MEGF11: variants seen among roughly 807,000 people sequenced by gnomAD.
MEGF11 encodes multiple EGF like domains 11.
A neutral mutation model predicts 146.6 loss-of-function variants in MEGF11; 126 were observed. That is an observed-to-expected ratio of 0.86 (90% confidence interval 0.74 to 1.00). The LOEUF (loss-of-function observed/expected upper bound fraction) is 1.00. Ranked by LOEUF, MEGF11 falls within the 50% of genes least tolerant of loss-of-function variation. The pLI, the probability that MEGF11 is intolerant of heterozygous loss-of-function variation, is 0.00. For synonymous variants in MEGF11, 532 were observed against 583.4 expected (o/e 0.91, Z 1.27); for missense variants, 1,509 against 1,521.2 (o/e 0.99, Z 0.13).
intron 4 of MEGF11, among the ~76,000 whole-genome samples, chr15:66,116,389 G>A (rs1441846092): frequency 6.6e-6 from 1 of 152,082 alleles, no homozygotes; most frequent in Non-Finnish European, 1.5e-5. Context: ...GTGGGCCATA[G>A]TAGGTGCTTA....
rs181994945 is a variant in MEGF11 at position 66,077,553 on chromosome 15, A to T, written c.394+16849T>A. ...CCTCCACCTCCAGAAGGAACGAAAG[A>T]CGTGATAAGACAGGAGAGCAAGTCT... is the stretch of plus-strand genomic sequence containing the variant. On this transcript the variant is annotated intron_variant, in intron 5 of 25. Coordinates refer to ENST00000395614, the MANE Select transcript of MEGF11 (RefSeq NM_001385028.1). Among the ~76,000 whole-genome samples, 11 of 152,360 alleles carry T rather than the reference A, an allele frequency of 7.2e-5. No homozygotes were observed. In the East Asian group the frequency reaches 2.1e-3, roughly 29 times the overall value.
At chr15:66,095,994 C>T (rs2086535342) in intron 4 of MEGF11, among the ~76,000 whole-genome samples, 1 of 152,164 alleles carries the variant, frequency 6.6e-6, no homozygotes, top group South Asian at 2.1e-4. Context: ...GTCCTGCTGC[C>T]CGGGCTCCCC....
rs1242139286 is a variant in MEGF11, at chr15:65,917,986, A to G, written c.2066T>C (p.Ile689Thr). 3 of 1,613,878 alleles carry G rather than the reference A, an allele frequency of 1.9e-6. No homozygotes were observed. Among genetic ancestry groups the G allele is most frequent in the African/African-American group, 2.7e-5 (2 of 74,922 alleles). The change falls in exon 16 of 26, where the codon ATT (isoleucine) becomes ACT (threonine). Residue 689 changes from isoleucine to threonine, a missense_variant. Coordinates refer to ENST00000395614, the MANE Select transcript of MEGF11 (RefSeq NM_001385028.1). The stretch of plus-strand genomic sequence containing the variant: ...CTTACCCTGTGAGCAGTCCTTGCCA[A>G]TCCATCCAGGAAAGCACTGGCAGGA... ...DGSCQCFPGW[I>T]GKDCSQACPP... is the part of the protein sequence containing the mutation.
intron 1 of MEGF11, among the ~76,000 whole-genome samples, chr15:66,156,642 C>T (rs1173411126): frequency 6.6e-6 from 1 of 152,114 alleles, no homozygotes; most frequent in East Asian, 1.9e-4. Flanking sequence ...TCCTCTGTGG[C>T]TGTGCACCCT....
At chr15:66,029,083 G>T (rs575333823) in intron 5 of MEGF11, among the ~76,000 whole-genome samples, 34 of 152,182 alleles carry the variant, frequency 2.2e-4, no homozygotes, top group Non-Finnish European at 4.9e-4. Flanking sequence ...TGAGAGAGAT[G>T]CTCAAATGAA....
chr15:66,052,622 G>C (rs2084498067), intron 5 of MEGF11, among the ~76,000 whole-genome samples: 1 of 152,176 alleles, frequency 6.6e-6, no homozygotes, highest in Non-Finnish European at 1.5e-5. Flanking sequence ...ACTGCTAGCA[G>C]AGAGGGCTAG....
chr15:66,026,704 G>A (rs2083342457), intron 5 of MEGF11, among the ~76,000 whole-genome samples: 1 of 151,574 alleles, frequency 6.6e-6, no homozygotes, highest in Admixed American at 6.6e-5. Context: ...TGGCCAGGAT[G>A]GTCTCGATCT....
rs1205953365 is a variant in MEGF11 at position 65,982,575 on chromosome 15, C to G, written c.395-87G>C. 7.2e-7 allele frequency: 1 copy of G among 1,386,940 alleles called. No homozygotes were observed. The highest frequency in any genetic ancestry group is 9.4e-7 in the Non-Finnish European group (1 of 1,068,292). 85.9% of individuals were successfully genotyped at this position (1,386,940 alleles called of 1,614,324 possible). A position where few individuals can be genotyped will look rare whatever the true frequency, so the allele number is the denominator to read the frequency against. ...AGGAACCGATGCCCATGCGGCCTTC[C>G]CATCTTTGCAGCGCTGCTCCCCGGA... is the stretch of plus-strand genomic sequence containing the variant. On this transcript the variant is annotated intron_variant, in intron 5 of 25. Transcript: ENST00000395614. This position sits in a 1 kb window ranked among gnomAD's most constrained non-coding sequence, Gnocchi z 5.6.
At chr15:66,068,013 C>G (rs2085206266) in intron 5 of MEGF11, among the ~76,000 whole-genome samples, 1 of 152,128 alleles carries the variant, frequency 6.6e-6, no homozygotes, top group Non-Finnish European at 1.5e-5. Flanking sequence ...CTTTGCTGAG[C>G]CTCAGTTTTC....
chr15:66,150,978 C>T (rs2089553173), intron 1 of MEGF11, among the ~76,000 whole-genome samples: 1 of 152,118 alleles, frequency 6.6e-6, no homozygotes, highest in Admixed American at 6.5e-5. Flanking sequence ...GCTGAGCTCT[C>T]TAGAAGGTGA....
chr15:65,901,899 T>C (rs2078504344), intron 24 of MEGF11: 1 of 152,118 alleles, frequency 6.6e-6, no homozygotes, highest in Admixed American at 6.5e-5. Flanking sequence ...TTTGCTAATA[T>C]AATTCCTAAT....
At chr15:66,183,239 C>T (rs929518819) in intron 1 of MEGF11, among the ~76,000 whole-genome samples, 1 of 152,086 alleles carries the variant, frequency 6.6e-6, no homozygotes, top group Non-Finnish European at 1.5e-5. Flanking sequence ...GGGGCTCACG[C>T]CTGTAATCCC....
At chr15:66,247,694 T>C (rs1182627921) in intron 1 of MEGF11, among the ~76,000 whole-genome samples, 2 of 152,036 alleles carry the variant, frequency 1.3e-5, no homozygotes, top group Non-Finnish European at 2.9e-5. Flanking sequence ...TGAGCTATGA[T>C]AGCAGCACTG....
At chr15:66,044,850 C>CAAAA (rs140901440) in intron 5 of MEGF11, among the ~76,000 whole-genome samples, 4 of 90,714 alleles carry the variant, frequency 4.4e-5, no homozygotes, top group African/African-American at 1.5e-4. Flanking sequence ...GACCTTATCT[C>CAAAA]AAAAAAAAAA....
intron 1 of MEGF11, among the ~76,000 whole-genome samples, chr15:66,179,827 A>T (rs933999658): frequency 3.1e-5 from 1 of 32,004 alleles, no homozygotes; most frequent in East Asian, 9.7e-4. Context: ...CCCCACCCCC[A>T]CCAACACACA....
chr15:65,928,024 A>C (rs1027689767), intron 13 of MEGF11, among the ~76,000 whole-genome samples: 1 of 152,198 alleles, frequency 6.6e-6, no homozygotes, highest in African/African-American at 2.4e-5. Context: ...GTGTGGTGGC[A>C]GTGGGATGGA....
intron 7 of MEGF11, 64 bp from the exon 8 acceptor site, chr15:65,970,753 G>T: frequency 6.5e-7 from 1 of 1,535,122 alleles, no homozygotes; most frequent in South Asian, 1.2e-5. Context: ...TCCTGGGAAT[G>T]GCACACCTGC....
chr15:66,089,754 A>G (rs991185753), intron 5 of MEGF11, among the ~76,000 whole-genome samples: 15 of 152,212 alleles, frequency 9.9e-5, no homozygotes, highest in African/African-American at 3.1e-4. Flanking sequence ...GTTATGAATA[A>G]TGTTTCTATC....
intron 4 of MEGF11, among the ~76,000 whole-genome samples, chr15:66,106,241 C>T (rs2087072943): frequency 6.6e-6 from 1 of 152,188 alleles, no homozygotes; most frequent in Non-Finnish European, 1.5e-5. Context: ...AAGGCACAGC[C>T]TCTTCGAACA....
Sources: allele counts gnomAD v4.1 joint callset (sites outside exome capture counted in the v4.1 genomes callset), GRCh38; gene constraint gnomAD v4.1.1; non-coding constraint Gnocchi (gnomAD v3.1); transcripts MANE v1.5; gene names NCBI Gene and HGNC (gene_info 2026-07-23, HGNC 2026-07-21).